CCDC7: variants seen among roughly 807,000 people sequenced by gnomAD.
The protein encoded by CCDC7 is coiled-coil domain-containing protein 7.
In CCDC7, 183 loss-of-function variants were observed where a neutral mutation model predicts 196.9. The ratio of observed to expected loss-of-function variants is 0.93; its 90% CI spans 0.82 to 1.05. The LOEUF (loss-of-function observed/expected upper bound fraction) is 1.05, where lower values mean the gene tolerates loss of function less well. Ranked by LOEUF, CCDC7 falls within the 50% of genes least tolerant of loss-of-function variation. The pLI, the probability that CCDC7 is intolerant of heterozygous loss-of-function variation, is 0.00. For missense variants in CCDC7, 1,540 were observed against 1,482.2 expected, an observed-to-expected ratio of 1.04 and a Z score of -0.64; for synonymous variants, 525 against 484.6, an observed-to-expected ratio of 1.08 and a Z score of -1.10.
At chr10:32,878,310 A>G (rs2094663957), downstream of CCDC7, among the ~76,000 whole-genome samples, 1 of 152,084 alleles carries the variant, frequency 6.6e-6, no homozygotes, top group Non-Finnish European at 1.5e-5. Flanking sequence ...CAATGATCCA[A>G]TAGCCACCAG....
chr10:32,447,625 C>T (rs1040153455), upstream of CCDC7, among the ~76,000 whole-genome samples: 1 of 152,074 alleles, frequency 6.6e-6, no homozygotes, highest in Non-Finnish European at 1.5e-5. Context: ...GGGAGCAGGG[C>T]GCACAGTGGC....
At chr10:32,555,271 G>A (rs533574500) in intron 13 of CCDC7, among the ~76,000 whole-genome samples, 1 of 150,052 alleles carries the variant, frequency 6.7e-6, no homozygotes, top group Admixed American at 6.6e-5. Flanking sequence ...TTTTGAGATG[G>A]AGTCTTGCTG....
intron 25 of CCDC7, among the ~76,000 whole-genome samples, chr10:32,715,133 C>T (rs776721729): frequency 1.3e-5 from 2 of 152,210 alleles, no homozygotes; most frequent in African/African-American, 4.8e-5. Flanking sequence ...TCAACAGACA[C>T]CTCATACAGG....
intron 33 of CCDC7, among the ~76,000 whole-genome samples, chr10:32,837,799 A>G (rs571457211): frequency 1.3e-5 from 2 of 152,136 alleles, no homozygotes; most frequent in South Asian, 2.1e-4. Context: ...GCTGGAAACC[A>G]TCATTCTCAG....
chr10:32,679,719 T>C (rs2075574689), intron 21 of CCDC7, among the ~76,000 whole-genome samples: 1 of 152,096 alleles, frequency 6.6e-6, no homozygotes, highest in South Asian at 2.1e-4. Context: ...CCAGTCCTAT[T>C]TGGGGGGTTG....
rs370936864 is a variant in CCDC7 at position 32,851,812 on chromosome 10, A to G, written c.3901A>G (p.Thr1301Ala). The G allele has an allele frequency of 4.4e-6, 7 of 1,608,116 alleles. No individual in the cohort carries two copies. In the Admixed American group the frequency reaches 1.0e-4, roughly 24 times the overall value. Residue 1301 changes from threonine (T) to alanine (A), a missense_variant, in exon 40 of 42, where the codon ACT becomes GCT. Physicochemically the swap from Thr to Ala is moderately conservative, Grantham distance 58. Transcript: ENST00000639629. ...TATTTTCCAAATTTTTCTAGAGGAA[A>G]CTTATGAGTACTCTTCACCCTATGT... is the stretch of plus-strand genomic sequence containing the variant.
At chr10:32,605,137 C>T (rs1254087103) in intron 18 of CCDC7, among the ~76,000 whole-genome samples, 3 of 152,100 alleles carry the variant, frequency 2.0e-5, no homozygotes, top group Non-Finnish European at 2.9e-5. Context: ...TACTTCCACT[C>T]TCTCTATGTG....
chr10:32,511,590 C>G (rs2046217641), intron 9 of CCDC7: 4 of 1,603,408 alleles, frequency 2.5e-6, no homozygotes, highest in Admixed American at 3.3e-5. Flanking sequence ...TTTGCTTGTT[C>G]AAGTGGATCC....
At chr10:32,661,286 C>A (rs2071373430) in intron 20 of CCDC7, among the ~76,000 whole-genome samples, 1 of 149,788 alleles carries the variant, frequency 6.7e-6, no homozygotes. Context: ...CATCTCACAC[C>A]AGTTAGAATG....
intron 29 of CCDC7, among the ~76,000 whole-genome samples, chr10:32,786,360 G>A (rs546359391): frequency 6.6e-6 from 1 of 152,196 alleles, no homozygotes; most frequent in Non-Finnish European, 1.5e-5. Context: ...AAATTACAGG[G>A]CATAATAAAA....
Position 32,664,159 on chromosome 10 carries a change from G to GT in CCDC7, c.2121dup (p.Thr708TyrfsTer3), listed in dbSNP as rs2072126140. ...AAATCTTTCCAAGATAATCAACTCAGTAGTAAGTGTAATAATTGTAGATAA... is the reference window on the plus strand; with the variant it reads ...AAATCTTTCCAAGATAATCAACTCAGTTAGTAAGTGTAATAATTGTAGATAA... On this transcript the variant is annotated frameshift_variant and splice_region_variant, in exon 21 of 42. Transcript: ENST00000639629. LOFTEE classifies it high-confidence loss of function. The GT allele has an allele frequency of 5.1e-6, 2 of 395,468 alleles. No individual in the cohort carries two copies. Among genetic ancestry groups the GT allele is most frequent in the African/African-American group, 4.1e-5 (2 of 48,478 alleles). 24.5% of individuals were successfully genotyped at this position (395,468 alleles called of 1,614,324 possible).
chr10:32,847,081 C>G (rs553074802), intron 37 of CCDC7, among the ~76,000 whole-genome samples: 3 of 152,156 alleles, frequency 2.0e-5, no homozygotes, highest in African/African-American at 4.8e-5. Context: ...GAAGCCGGCC[C>G]TCTAAAACCA....
intron 28 of CCDC7, among the ~76,000 whole-genome samples, chr10:32,768,002 GC>G (rs955918882): frequency 1.3e-5 from 2 of 152,068 alleles, no homozygotes; most frequent in African/African-American, 4.8e-5. Flanking sequence ...TATCTCAACA[GC>G]AGAAGTGATC....
At chr10:32,673,046 G>C (rs1422486516) in intron 21 of CCDC7, among the ~76,000 whole-genome samples, 1 of 152,082 alleles carries the variant, frequency 6.6e-6, no homozygotes, top group African/African-American at 2.4e-5. Context: ...TGCTATTGAG[G>C]AGACTATGCT....
At position 32,540,938 on chromosome 10, in the gene CCDC7, G is replaced by A. The variant is rs574124978; in HGVS notation, c.994-2362G>A. On this transcript the variant is annotated intron_variant, in intron 11 of 41. Transcript: ENST00000639629. ...TCCTCTCTAGCGAGGTTGGGTAAGTGTTCATCAATGATATAGCAAAATATG... is the reference window on the plus strand; with the variant it reads ...TCCTCTCTAGCGAGGTTGGGTAAGTATTCATCAATGATATAGCAAAATATG... Among the ~76,000 whole-genome samples the A allele has an allele frequency of 4.6e-5, 7 of 151,992 alleles. No individual in the cohort carries two copies. In the South Asian group the frequency reaches 1.5e-3, roughly 32 times the overall value.
rs894051526 is a variant in CCDC7, at chr10:32,592,556, T to TA, written c.1801+8252_1801+8253insA. Among the ~76,000 whole-genome samples, 44 of 86,566 alleles carry TA rather than the reference T, an allele frequency of 5.1e-4. No homozygotes were observed. In the South Asian group the frequency reaches 0.017, roughly 33 times the overall value. 56.8% of individuals were successfully genotyped at this position (86,566 alleles called of 152,430 possible). On this transcript the variant is annotated intron_variant, in intron 18 of 41. Transcript: ENST00000639629. ...GTTTTCATTTATCTCAAGATATATA[T>TA]TTTTTAATTTTACTTTAAGTTCTAG...
chr10:32,812,865 A>G (rs1460395326), intron 30 of CCDC7, among the ~76,000 whole-genome samples: 3 of 152,150 alleles, frequency 2.0e-5, no homozygotes, highest in Non-Finnish European at 4.4e-5. Flanking sequence ...TTGAAGAAAG[A>G]ACAAAGGAAG....
At chr10:32,549,040 G>A (rs1341202236) in intron 13 of CCDC7, among the ~76,000 whole-genome samples, 1 of 152,170 alleles carries the variant, frequency 6.6e-6, no homozygotes, top group Non-Finnish European at 1.5e-5. Flanking sequence ...CAGTGTAGAA[G>A]TGTTCTCTGA....
At chr10:32,817,681 T>C (rs565877778) in intron 31 of CCDC7, among the ~76,000 whole-genome samples, 61 of 147,920 alleles carry the variant, frequency 4.1e-4, no homozygotes, top group South Asian at 1.3e-3. Flanking sequence ...GGGGCCAATA[T>C]TCAACATTCT....
Sources: gnomAD v4.1 joint callset for allele counts (sites outside exome capture counted in the v4.1 genomes callset) on GRCh38, gnomAD v4.1.1 for gene constraint, MANE v1.5 for transcripts, NCBI Gene and HGNC (gene_info 2026-07-23, HGNC 2026-07-21) for gene names.